Variants in SCAP observed in about 807,000 individuals in gnomAD.
SCAP encodes SREBF chaperone.
SCAP carries 65 observed loss-of-function variants against 123.6 expected under a neutral mutation model. The ratio of observed to expected loss-of-function variants is 0.53; its 90% CI spans 0.43 to 0.65. The LOEUF (loss-of-function observed/expected upper bound fraction) is 0.65. SCAP is among the 30% of genes least tolerant of loss of function. SCAP has a pLI of 0.00. For synonymous variants in SCAP, 740 were observed against 726.3 expected (o/e 1.02, Z -0.30); for missense variants, 1,398 against 1,712.5 (o/e 0.82, Z 3.24).
At position 47,413,970 on chromosome 3, in the gene SCAP, T is replaced by C. The variant is rs1705434562; in HGVS notation, c.3724A>G (p.Ser1242Gly). Residue 1242 changes from serine to glycine, a missense_variant, in exon 23 of 23, where the codon AGT becomes GGT. Physicochemically the swap from Ser to Gly is moderately conservative, Grantham distance 56 (BLOSUM62 0). Transcript: ENST00000265565. ...LLQTVYLGKN[S>G]EAQPARQILV... ...ATCTGGCGGGCAGGCTGGGCCTCAC[T>C]GTTCTTCCCCAGGTAGACTGTCTGT... is the stretch of plus-strand genomic sequence containing the variant. 1 of 1,613,192 alleles carries C rather than the reference T, an allele frequency of 6.2e-7. No homozygotes were observed. The highest frequency in any genetic ancestry group is 1.7e-5 in the Admixed American group (1 of 60,008).
chr3:47,455,157 A>G (rs1361272000), intron 1 of SCAP, among the ~76,000 whole-genome samples: 1 of 150,148 alleles, frequency 6.7e-6, no homozygotes, highest in Non-Finnish European at 1.5e-5. Flanking sequence ...AAACTAATAT[A>G]TATCAATGCC....
intron 4 of SCAP, among the ~76,000 whole-genome samples, chr3:47,427,893 T>G (rs186122784): frequency 1.6e-4 from 25 of 152,254 alleles, no homozygotes; most frequent in South Asian, 6.2e-4. Context: ...CAAAAGCCCA[T>G]CAGCTCTGAG....
At chr3:47,424,097 G>A (rs1242901816) in intron 8 of SCAP, 52 bp from the exon 9 acceptor site, 1 of 1,383,368 alleles carries the variant, frequency 7.2e-7, no homozygotes, top group Admixed American at 1.7e-5. Context: ...GTTCCCAACA[G>A]ACTGGGGCCC....
At chr3:47,464,372 T>C (rs779461666) in intron 1 of SCAP, among the ~76,000 whole-genome samples, 1 of 151,954 alleles carries the variant, frequency 6.6e-6, no homozygotes, top group Admixed American at 6.6e-5. Flanking sequence ...TGGGACTGAT[T>C]TGTGTTTTTT....
intron 9 of SCAP, chr3:47,422,810 T>C (rs779666704): frequency 1.2e-5 from 4 of 322,540 alleles, no homozygotes; most frequent in Non-Finnish European, 1.7e-5. Context: ...AGAAGCAGAG[T>C]GTGGAGATGA....
At chr3:47,437,114 G>A (rs1477989317) in intron 2 of SCAP, among the ~76,000 whole-genome samples, 2 of 152,144 alleles carry the variant, frequency 1.3e-5, no homozygotes, top group Non-Finnish European at 2.9e-5. Flanking sequence ...ACTGGTTGAG[G>A]AACATTTGGC....
At chr3:47,414,525 A>T (rs777247992) in intron 21 of SCAP, 47 bp downstream of exon 21, 26 of 1,609,268 alleles carry the variant, frequency 1.6e-5, no homozygotes, top group Non-Finnish European at 2.2e-5. Flanking sequence ...GTCAGCAAAC[A>T]TGGGCCACAG....
At chr3:47,417,281 C>T in intron 17 of SCAP, 23 bp downstream of exon 17, 2 of 1,611,962 alleles carry the variant, frequency 1.2e-6, no homozygotes, top group East Asian at 2.2e-5. Context: ...GCCGCTCTGC[C>T]CACCTTTAGC....
chr3:47,424,720 C>T lies in SCAP; in HGVS notation c.1038-675G>A, dbSNP rs543881566. ...GAGGGTGGTGTTTAACAGTGTCAAG[C>T]TCAGGAAAGGGAGCAGGTATCTAAG... On this transcript the variant is annotated intron_variant, in intron 8 of 22. Transcript: ENST00000265565. Among the ~76,000 whole-genome samples the T allele has an allele frequency of 1.6e-4, 25 of 152,264 alleles. No individual in the cohort carries two copies. In the East Asian group the frequency reaches 4.8e-3, roughly 29 times the overall value.
intron 7 of SCAP, among the ~76,000 whole-genome samples, 172 bp from the exon 8 acceptor site, chr3:47,425,783 G>A (rs1706101886): frequency 6.6e-6 from 1 of 151,900 alleles, no homozygotes; most frequent in Non-Finnish European, 1.5e-5. Context: ...ACACCTTTTA[G>A]GAACCCTAAC....
chr3:47,425,432 GCT>G, intron 8 of SCAP, 51 bp downstream of exon 8: 1 of 1,567,112 alleles, frequency 6.4e-7, no homozygotes, highest in Non-Finnish European at 8.6e-7. Context: ...GAAGTGCAAG[GCT>G]CTCTGGCCTG....
chr3:47,417,975 G>A, intron 16 of SCAP, 149 bp from the exon 17 acceptor site: 1 of 504,486 alleles, frequency 2.0e-6, no homozygotes, highest in Non-Finnish European at 3.6e-6. Context: ...GGAGAGGGGG[G>A]TACGGGGTGG....
At chr3:47,441,303 C>G (rs1354327826) in intron 2 of SCAP, among the ~76,000 whole-genome samples, 1 of 152,028 alleles carries the variant, frequency 6.6e-6, no homozygotes, top group Non-Finnish European at 1.5e-5. Context: ...GACCCCATCT[C>G]TACAAAAGAC....
chr3:47,454,598 G>A lies in SCAP; in HGVS notation c.-98-11507C>T, dbSNP rs1358179526. Among the ~76,000 whole-genome samples the A allele has an allele frequency of 5.9e-5, 9 of 151,808 alleles. No individual in the cohort carries two copies. The South Asian group carries it at 6.2e-4, about 11-fold the overall frequency. On this transcript the variant is annotated intron_variant, in intron 1 of 22. Coordinates refer to ENST00000265565, the MANE Select transcript of SCAP (RefSeq NM_012235.4). ...ACAAAAATTAGTCAGGCATGGTGGC[G>A]GGCACCTGTAATCCCAACTATTTGG...
chr3:47,455,989 A>C (rs1425164415), intron 1 of SCAP, among the ~76,000 whole-genome samples: 1 of 152,262 alleles, frequency 6.6e-6, no homozygotes, highest in African/African-American at 2.4e-5. Flanking sequence ...CACATATGGC[A>C]AAGTATACTA....
chr3:47,423,884 C>T, intron 9 of SCAP, 49 bp downstream of exon 9: 5 of 1,302,288 alleles, frequency 3.8e-6, no homozygotes, highest in Middle Eastern at 2.0e-4. Flanking sequence ...GAACAGGCCC[C>T]ATTCCAGCCC....
At chr3:47,441,766 TC>T (rs1306276388) in intron 2 of SCAP, among the ~76,000 whole-genome samples, 1 of 151,676 alleles carries the variant, frequency 6.6e-6, no homozygotes, top group Non-Finnish European at 1.5e-5. Flanking sequence ...AATCTCTAAG[TC>T]CCTACCCCTC....
Position 47,417,398 on chromosome 3 carries a change from G to A in SCAP, c.2876C>T (p.Ser959Phe), listed in dbSNP as rs1259364079. Residue 959 changes from serine to phenylalanine, a missense_variant, in exon 17 of 23, where the codon TCC becomes TTC. Physicochemically the swap from Ser to Phe is radical, Grantham distance 155. Around this residue, in one of 7 missense-constraint regions of SCAP, gnomAD observed 828 missense variants for 882.5 expected, o/e 0.94. Transcript: ENST00000265565. ...CTCGGCACTGGGGGCCCAGGCGAGGGAAGGGGAGCCTTTCTCGGGGGAGCC... is the reference window on the plus strand; with the variant it reads ...CTCGGCACTGGGGGCCCAGGCGAGGAAAGGGGAGCCTTTCTCGGGGGAGCC... ...EGGSPEKGSP[S>F]LAWAPSAEGS... 7 of 1,589,912 alleles carry A rather than the reference G, an allele frequency of 4.4e-6. No homozygotes were observed. The highest frequency in any genetic ancestry group is 6.0e-6 in the Non-Finnish European group (7 of 1,169,514).
chr3:47,429,057 C>T, intron 3 of SCAP: 1 of 185,936 alleles, frequency 5.4e-6, no homozygotes, highest in Non-Finnish European at 1.1e-5. Context: ...CAAAGACTTC[C>T]CAGAAATCAC....
Sources: gnomAD v4.1 joint callset for allele counts (sites outside exome capture counted in the v4.1 genomes callset) on GRCh38, gnomAD v4.1.1 for gene constraint, gnomAD v4.1.1 regional missense constraint, MANE v1.5 for transcripts, NCBI Gene and HGNC (gene_info 2026-07-23, HGNC 2026-07-21) for gene names.